The following DLGAP2 variants were observed in gnomAD, a reference collection of about 807,000 sequenced individuals.
The protein encoded by DLGAP2 is disks large-associated protein 2.
A neutral mutation model predicts 100.3 loss-of-function variants in DLGAP2; 26 were observed. That is an observed-to-expected ratio of 0.26 (90% confidence interval 0.19 to 0.36). The LOEUF is 0.36. Ranked by LOEUF, DLGAP2 falls within the 10% of genes least tolerant of loss-of-function variation. The probability of loss-of-function intolerance (pLI) is 1.00; values close to 1 mark genes in which losing one functional copy is unlikely to be tolerated. For missense variants in DLGAP2, 1,858 were observed against 1,453.2 expected (o/e 1.28, Z -4.53); for synonymous variants, 886 against 630.1 (o/e 1.41, Z -6.08).
intron 2 of DLGAP2, among the ~76,000 whole-genome samples, chr8:985,364 C>T (rs185610998): frequency 6.6e-6 from 1 of 152,328 alleles, no homozygotes; most frequent in East Asian, 1.9e-4. Context: ...AGGCAAGTTG[C>T]TTAATTCCTC....
In DLGAP2 at chr8:1,678,447, C is replaced by T. The variant is rs901071648; in HGVS notation, c.2522C>T (p.Thr841Ile). The T allele has an allele frequency of 5.6e-6, 9 of 1,613,538 alleles. No individual in the cohort carries two copies. The African/African-American group carries it at 9.3e-5, about 17-fold the overall frequency. Residue 841 changes from threonine to isoleucine, a missense_variant, in exon 12 of 15, where the codon ACC becomes ATC. Coordinates refer to ENST00000637795, the MANE Select transcript of DLGAP2 (RefSeq NM_001346810.2). ...TATCGGACCCAAGTGGACACCTCCACCCTGCCCCCTCCAGACCCCTGGCTG... is the reference window on the plus strand; with the variant it reads ...TATCGGACCCAAGTGGACACCTCCATCCTGCCCCCTCCAGACCCCTGGCTG... Reference protein sequence around the residue: ...EDYRTQVDTSTLPPPDPWLEP... With the variant: ...EDYRTQVDTSILPPPDPWLEP...
At chr8:939,056 C>A (rs1490300071) in intron 2 of DLGAP2, among the ~76,000 whole-genome samples, 1 of 152,066 alleles carries the variant, frequency 6.6e-6, no homozygotes, top group African/African-American at 2.4e-5. Flanking sequence ...CGGCCCCTGC[C>A]TGGGAGTGGG....
chr8:1,484,695 T>C (rs1357245628), intron 3 of DLGAP2, among the ~76,000 whole-genome samples: 1 of 152,242 alleles, frequency 6.6e-6, no homozygotes, highest in African/African-American at 2.4e-5. Flanking sequence ...TTCATGTTGT[T>C]AGTCCGTAAA....
In DLGAP2 at chr8:1,099,958, T is replaced by TA. The variant is rs1804521351; in HGVS notation, c.74-158892dup. On this transcript the variant is annotated intron_variant, in intron 2 of 14. Transcript: ENST00000637795. ...GGGTTTTGCTTCCCGAGATTTCAGT[T>TA]ACCCGAAGTCAACTGAGATCTGAAA... is the stretch of plus-strand genomic sequence containing the variant. 3.9e-5 allele frequency among the ~76,000 whole-genome samples: 6 copies of TA among 152,226 alleles called. No individual in the cohort carries two copies. In the South Asian group the frequency reaches 1.2e-3, roughly 31 times the overall value.
At chr8:1,101,661 G>T (rs542220223) in intron 2 of DLGAP2, among the ~76,000 whole-genome samples, 32 of 151,320 alleles carry the variant, frequency 2.1e-4, no homozygotes, top group Non-Finnish European at 3.8e-4. Flanking sequence ...GAAGGTCCTC[G>T]TCACCCCTGA....
intron 2 of DLGAP2, among the ~76,000 whole-genome samples, chr8:1,198,450 C>T (rs1797801071): frequency 2.0e-5 from 3 of 152,050 alleles, no homozygotes; most frequent in Non-Finnish European, 2.9e-5. Flanking sequence ...CAGCTGCCTC[C>T]CACCCACCTC....
intron 2 of DLGAP2, among the ~76,000 whole-genome samples, chr8:1,251,207 T>C (rs1799032527): frequency 1.3e-5 from 2 of 152,204 alleles, no homozygotes; most frequent in African/African-American, 4.8e-5. Context: ...ATCCTGGGCT[T>C]TTACTTAGCA....
At chr8:1,437,425 C>T (rs1021637577) in intron 3 of DLGAP2, among the ~76,000 whole-genome samples, 3 of 152,214 alleles carry the variant, frequency 2.0e-5, no homozygotes, top group African/African-American at 4.8e-5. Context: ...AATGATGGAA[C>T]GTAGAACCCC....
intron 3 of DLGAP2, among the ~76,000 whole-genome samples, chr8:1,289,219 C>G (rs567899338): frequency 3.3e-5 from 5 of 152,140 alleles, no homozygotes; most frequent in Non-Finnish European, 7.3e-5. Context: ...TCATCAAAAA[C>G]CATTTAAAGA....
At chr8:1,364,503 G>GA in intron 3 of DLGAP2, among the ~76,000 whole-genome samples, 1 of 51,532 alleles carries the variant, frequency 1.9e-5, no homozygotes, top group South Asian at 7.1e-4. Flanking sequence ...TGGGAAGGGC[G>GA]GGGGGGGTGC....
chr8:755,178 G>A (rs1215959032), intron 1 of DLGAP2, among the ~76,000 whole-genome samples: 2 of 152,174 alleles, frequency 1.3e-5, no homozygotes, highest in Non-Finnish European at 2.9e-5. Flanking sequence ...AGTCTGTGGA[G>A]GGAGATAAAT....
intron 3 of DLGAP2, among the ~76,000 whole-genome samples, chr8:1,352,924 C>G (rs1019477452): frequency 6.6e-6 from 1 of 152,162 alleles, no homozygotes; most frequent in Non-Finnish European, 1.5e-5. Context: ...CCAGCTCAGC[C>G]TGCCATTGGG....
rs1356954521 is a variant in DLGAP2, at chr8:1,697,132, T to C, written c.2797-15T>C. ...GAGACTCTCCTGGCTCTGAACACCC[T>C]GTGTGTGTCCCCAGGACCCCAGCGC... On this transcript the variant is annotated splice_polypyrimidine_tract_variant and intron_variant, in intron 13 of 14. Transcript: ENST00000637795. 1.9e-6 allele frequency: 3 copies of C among 1,552,470 alleles called. No homozygotes were observed. Among genetic ancestry groups the C allele is most frequent in the Non-Finnish European group, 1.7e-6 (2 of 1,147,924 alleles).
At chr8:1,038,529 C>T (rs1021842193) in intron 2 of DLGAP2, among the ~76,000 whole-genome samples, 1 of 152,210 alleles carries the variant, frequency 6.6e-6, no homozygotes, top group African/African-American at 2.4e-5. Context: ...TCTTGAGCAA[C>T]ATTTTATGGG....
At chr8:916,056 G>C (rs1798586499) in intron 2 of DLGAP2, among the ~76,000 whole-genome samples, 1 of 147,096 alleles carries the variant, frequency 6.8e-6, no homozygotes, top group Non-Finnish European at 1.5e-5. Context: ...TCTTTTTTCT[G>C]TCTGTCCGTC....
intron 2 of DLGAP2, among the ~76,000 whole-genome samples, chr8:1,128,331 C>A (rs1344422900): frequency 6.6e-6 from 1 of 151,654 alleles, no homozygotes; most frequent in Non-Finnish European, 1.5e-5. Context: ...AGGACCTGCC[C>A]CCGGTGTTGT....
At chr8:1,561,236 A>C (rs915730240) in intron 5 of DLGAP2, among the ~76,000 whole-genome samples, 19 of 130,784 alleles carry the variant, frequency 1.5e-4, no homozygotes, top group Non-Finnish European at 3.1e-4. Flanking sequence ...GAGTCAGTTA[A>C]ACCTCTTTCC....
chr8:769,165 AG>A (rs1821292731), intron 1 of DLGAP2, among the ~76,000 whole-genome samples: 3 of 152,132 alleles, frequency 2.0e-5, no homozygotes, highest in Non-Finnish European at 4.4e-5. Flanking sequence ...AAACCTTTTG[AG>A]GTTAATAAAT....
At chr8:950,562 A>G (rs1051284065) in intron 2 of DLGAP2, among the ~76,000 whole-genome samples, 1 of 151,774 alleles carries the variant, frequency 6.6e-6, no homozygotes, top group Non-Finnish European at 1.5e-5. Flanking sequence ...TGTTCATCTG[A>G]CCATTACTTC....
Sources: gnomAD v4.1 joint callset for allele counts (sites outside exome capture counted in the v4.1 genomes callset) on GRCh38, gnomAD v4.1.1 for gene constraint, MANE v1.5 for transcripts, NCBI Gene and HGNC (gene_info 2026-07-23, HGNC 2026-07-21) for gene names.